The following DCUN1D5 variants were observed in gnomAD, a reference collection of about 807,000 sequenced individuals.
DCUN1D5 encodes the protein DCN1-like protein 5.
A neutral mutation model predicts 38.3 loss-of-function variants in DCUN1D5; 10 were observed. The observed-to-expected ratio is 0.26, with a 90% confidence interval of 0.16 to 0.44. DCUN1D5 has a LOEUF of 0.44. Among genes scored for constraint, DCUN1D5 ranks in the 20% least tolerant of loss-of-function variants. The probability of loss-of-function intolerance (pLI) is 1.00; values close to 1 mark genes in which losing one functional copy is unlikely to be tolerated. For missense variants in DCUN1D5, 148 were observed against 275.3 expected, an observed-to-expected ratio of 0.54 and a Z score of 3.27; for synonymous variants, 93 against 90.9, an observed-to-expected ratio of 1.02 and a Z score of -0.13.
chr11:103,065,996 C>T lies in DCUN1D5; in HGVS notation c.555+273G>A, dbSNP rs1450956773. On this transcript the variant is annotated intron_variant, in intron 6 of 7. Transcript: ENST00000260247. This position sits in a 1 kb window ranked among gnomAD's most constrained non-coding sequence, Gnocchi z 4.6. ...TTATGAAAACCCCGAGAAACTAATT[C>T]TGCAAGACAAATGTCTGTGATACAA... 2.0e-5 allele frequency among the ~76,000 whole-genome samples: 3 copies of T among 151,872 alleles called. No individual in the cohort carries two copies. In the East Asian group the frequency reaches 5.8e-4, roughly 29 times the overall value.
intron 4 of DCUN1D5, among the ~76,000 whole-genome samples, chr11:103,068,233 A>G (rs1862182500): frequency 6.6e-6 from 1 of 152,190 alleles, no homozygotes; most frequent in South Asian, 2.1e-4. Flanking sequence ...ATTTAAGGCT[A>G]TAATTTCCCT....
rs1450369543 is a variant in DCUN1D5 at position 103,064,676 on chromosome 11, T to C, written c.556-299A>G. Among the ~76,000 whole-genome samples the C allele has an allele frequency of 6.6e-6, 1 of 152,200 alleles. No individual in the cohort carries two copies. Among genetic ancestry groups the C allele is most frequent in the Non-Finnish European group, 1.5e-5 (1 of 68,020 alleles). Reference sequence around the variant, plus strand: ...TTACCACCAATGAGATCAAGATATATAACATTTCCTACATCCAGTATGTTC... The same window carrying C: ...TTACCACCAATGAGATCAAGATATACAACATTTCCTACATCCAGTATGTTC... On this transcript the variant is annotated intron_variant, in intron 6 of 7. Transcript: ENST00000260247. The surrounding 1 kb of genome is among the most constrained non-coding windows in gnomAD (Gnocchi z 4.5).
At chr11:103,083,000 T>G (rs895309971) in intron 3 of DCUN1D5, among the ~76,000 whole-genome samples, 161 bp from the exon 4 acceptor site, 3 of 152,054 alleles carry the variant, frequency 2.0e-5, no homozygotes, top group African/African-American at 7.2e-5. Flanking sequence ...AATTGAGATG[T>G]GCCAATTTCT....
chr11:103,079,458 A>T (rs185467889), intron 4 of DCUN1D5, among the ~76,000 whole-genome samples: 1 of 152,332 alleles, frequency 6.6e-6, no homozygotes. Flanking sequence ...ATACTGGGCA[A>T]AGTGGCTTAC....
In DCUN1D5 at chr11:103,064,747, T is replaced by C. The variant is rs1862094070; in HGVS notation, c.556-370A>G. 1.3e-5 allele frequency among the ~76,000 whole-genome samples: 2 copies of C among 152,222 alleles called. No individual in the cohort carries two copies. Among genetic ancestry groups the C allele is most frequent in the African/African-American group, 2.4e-5 (1 of 41,462 alleles). On this transcript the variant is annotated intron_variant, in intron 6 of 7. Coordinates refer to ENST00000260247, the MANE Select transcript of DCUN1D5 (RefSeq NM_032299.4). This position sits in a 1 kb window ranked among gnomAD's most constrained non-coding sequence, Gnocchi z 4.5. ...AATCATTTCTTTGCTCAAGATTTAC[T>C]GTTTAGCCACATTTTGAGTTTGGCA...
chr11:103,061,994 T>G lies in DCUN1D5; in HGVS notation c.*365A>C, dbSNP rs1386711420. The G allele has an allele frequency of 5.2e-6, 1 of 191,350 alleles. No homozygotes were observed. The highest frequency in any genetic ancestry group is 5.9e-5 in the Admixed American group (1 of 16,954). The allele number at this position is 191,350 out of a possible 1,614,324, so 11.9% of individuals were successfully genotyped here. ...TTTAAAATCTTGAAAATTCTGTAAA[T>G]TCACGGTGAATTGGAACCTCAAAAA... On this transcript the variant is annotated 3_prime_UTR_variant, in exon 8 of 8. Transcript: ENST00000260247.
chr11:103,067,407 T>G (rs78028226), intron 4 of DCUN1D5, among the ~76,000 whole-genome samples: 1 of 152,284 alleles, frequency 6.6e-6, no homozygotes, highest in East Asian at 1.9e-4. Flanking sequence ...ACTGCCATAC[T>G]TCAGCACCCA....
In DCUN1D5 at chr11:103,083,330, C is replaced by A; in HGVS notation, c.179-4G>T. 1.3e-6 allele frequency: 2 copies of A among 1,557,238 alleles called. No homozygotes were observed. Among genetic ancestry groups the A allele is most frequent in the Non-Finnish European group, 1.8e-6 (2 of 1,130,062 alleles). On this transcript the variant is annotated splice_polypyrimidine_tract_variant and splice_region_variant and intron_variant, in intron 2 of 7. Coordinates refer to ENST00000260247, the MANE Select transcript of DCUN1D5 (RefSeq NM_032299.4). This position sits in a 1 kb window ranked among gnomAD's most constrained non-coding sequence, Gnocchi z 4.4. ...GGCCCTACAACTTCATCAGGACCTT[C>A]AAAGACAAAAATAATTAACATATTT... is the stretch of plus-strand genomic sequence containing the variant.
Position 103,083,139 on chromosome 11 carries a change from A to G in DCUN1D5, c.249+117T>C, listed in dbSNP as rs1862608771. ...AAAAATACCTTAAATGCAAATTTAC[A>G]ATATTAAACATGAAGAAATAAAATC... On this transcript the variant is annotated intron_variant, in intron 3 of 7. Transcript: ENST00000260247. This position sits in a 1 kb window ranked among gnomAD's most constrained non-coding sequence, Gnocchi z 4.4. 1 of 632,098 alleles carries G rather than the reference A, an allele frequency of 1.6e-6. No homozygotes were observed. The highest frequency in any genetic ancestry group is 2.9e-5 in the Admixed American group (1 of 33,958). The allele number at this position is 632,098 out of a possible 1,614,324, so 39.2% of individuals were successfully genotyped here. A position where few individuals can be genotyped will look rare whatever the true frequency, so the allele number is the denominator to read the frequency against.
In DCUN1D5 at chr11:103,073,464, C is replaced by T. The variant is rs144364441; in HGVS notation, c.342-6897G>A. Among the ~76,000 whole-genome samples, 324 of 152,278 alleles carry T rather than the reference C, an allele frequency of 2.1e-3. 2 individuals carry two copies. The highest frequency in any genetic ancestry group is 7.5e-3 in the African/African-American group (310 of 41,556). On this transcript the variant is annotated intron_variant, in intron 4 of 7. Transcript: ENST00000260247. The surrounding 1 kb of genome is among the most constrained non-coding windows in gnomAD (Gnocchi z 4.2). ...AAATTTATATGGAAAAGCAAATACA[C>T]TAGAATACCTAAAACAATTTTGAAA...
Position 103,061,424 on chromosome 11 carries a change from C to A in DCUN1D5, c.*935G>T, listed in dbSNP as rs568109318. Among the ~76,000 whole-genome samples the A allele has an allele frequency of 6.6e-6, 1 of 151,970 alleles. No homozygotes were observed. The highest frequency in any genetic ancestry group is 1.5e-5 in the Non-Finnish European group (1 of 67,958). ...TTTCCTCAAGACACTTGATTACCAA[C>A]AGGCAGAAAATTGTGATAATTAGCA... On this transcript the variant is annotated 3_prime_UTR_variant, in exon 8 of 8. Coordinates refer to ENST00000260247, the MANE Select transcript of DCUN1D5 (RefSeq NM_032299.4).
Position 103,092,120 on chromosome 11 carries a change from A to AT in DCUN1D5, c.-249dup. On this transcript the variant is annotated 5_prime_UTR_variant, in exon 1 of 8. Coordinates refer to ENST00000260247, the MANE Select transcript of DCUN1D5 (RefSeq NM_032299.4). ...TGCGGTTCGTTCTCACCGGGAGGAG[A>AT]TAACGCGGACAGCGCGGCAGCTCCA... 1 of 467,514 alleles carries AT rather than the reference A, an allele frequency of 2.1e-6. No homozygotes were observed. The highest frequency in any genetic ancestry group is 3.8e-6 in the Non-Finnish European group (1 of 263,326). 29.0% of individuals were successfully genotyped at this position (467,514 alleles called of 1,614,324 possible).
rs141012503 is a variant in DCUN1D5 at position 103,061,597 on chromosome 11, C to CAA, written c.*760_*761dup. ...TATCACAGCTAACGTTCTCTTAAGG[C>CAA]AAAAAAAAAAAAAAAAAGTGCTTTA... is the stretch of plus-strand genomic sequence containing the variant. On this transcript the variant is annotated 3_prime_UTR_variant, in exon 8 of 8. Transcript: ENST00000260247. Among the ~76,000 whole-genome samples the CAA allele has an allele frequency of 8.6e-4, 82 of 95,522 alleles. 1 individual carries two copies. Among genetic ancestry groups the CAA allele is most frequent in the South Asian group, 3.6e-3 (11 of 3,032 alleles). 62.7% of individuals were successfully genotyped at this position (95,522 alleles called of 152,430 possible).
Position 103,059,564 on chromosome 11 carries a change from T to C in DCUN1D5, c.*2795A>G, listed in dbSNP as rs1861959996. On this transcript the variant is annotated 3_prime_UTR_variant, in exon 8 of 8. Transcript: ENST00000260247. The stretch of plus-strand genomic sequence containing the variant: ...TGCTACTACTGTCAAAAATGTATTA[T>C]ATCAATAATTTTATCAGCAGCATTT... 6.6e-6 allele frequency among the ~76,000 whole-genome samples: 1 copy of C among 152,134 alleles called. No homozygotes were observed.
rs1039803884 is a variant in DCUN1D5 at position 103,063,752 on chromosome 11, T to A, written c.658+523A>T. Among the ~76,000 whole-genome samples the A allele has an allele frequency of 6.6e-6, 1 of 152,174 alleles. No individual in the cohort carries two copies. Among genetic ancestry groups the A allele is most frequent in the African/African-American group, 2.4e-5 (1 of 41,460 alleles). On this transcript the variant is annotated intron_variant, in intron 7 of 7. Transcript: ENST00000260247. The surrounding 1 kb of genome is among the most constrained non-coding windows in gnomAD (Gnocchi z 4.6). ...ATTCTAGCCTTTCCATGGAGGAGTATGGACAGATATTTTAACTTGACGGAT... is the reference window on the plus strand; with the variant it reads ...ATTCTAGCCTTTCCATGGAGGAGTAAGGACAGATATTTTAACTTGACGGAT...
At chr11:103,072,389 G>C (rs1276608051) in intron 4 of DCUN1D5, among the ~76,000 whole-genome samples, 2 of 151,954 alleles carry the variant, frequency 1.3e-5, no homozygotes, top group Admixed American at 6.5e-5. Context: ...AATACCATTT[G>C]ACCCAGCCAT....
In DCUN1D5 at chr11:103,064,081, A is replaced by G. The variant is rs181592965; in HGVS notation, c.658+194T>C. 1.4e-4 allele frequency among the ~76,000 whole-genome samples: 22 copies of G among 152,270 alleles called. No homozygotes were observed. The East Asian group carries it at 3.7e-3, about 25-fold the overall frequency. ...GTTGCCGAGGAACTGAAAACATTTC[A>G]TTTACCAGCATAGATTTTATATAAT... On this transcript the variant is annotated intron_variant, in intron 7 of 7. Transcript: ENST00000260247. The surrounding 1 kb of genome is among the most constrained non-coding windows in gnomAD (Gnocchi z 4.5).
At chr11:103,089,946 TC>T (rs1461268357) in intron 1 of DCUN1D5, among the ~76,000 whole-genome samples, 3 of 150,842 alleles carry the variant, frequency 2.0e-5, no homozygotes, top group African/African-American at 7.4e-5. Context: ...TTCATTTTTT[TC>T]ATAAAATCAT....
Position 103,083,887 on chromosome 11 carries a change from C to T in DCUN1D5, c.179-561G>A, listed in dbSNP as rs773515675. On this transcript the variant is annotated intron_variant, in intron 2 of 7. Coordinates refer to ENST00000260247, the MANE Select transcript of DCUN1D5 (RefSeq NM_032299.4). The surrounding 1 kb of genome is among the most constrained non-coding windows in gnomAD (Gnocchi z 4.4). ...TATGGAAATTACTACATTCCATTTC[C>T]AGAAAGAGCTATTTTCCTTATCATC... 5.3e-5 allele frequency among the ~76,000 whole-genome samples: 8 copies of T among 151,960 alleles called. No homozygotes were observed. The highest frequency in any genetic ancestry group is 1.2e-4 in the Non-Finnish European group (8 of 67,946).
Sources: allele counts gnomAD v4.1 joint callset (sites outside exome capture counted in the v4.1 genomes callset), GRCh38; gene constraint gnomAD v4.1.1; non-coding constraint Gnocchi (gnomAD v3.1); transcripts MANE v1.5; gene names NCBI Gene and HGNC (gene_info 2026-07-23, HGNC 2026-07-21).